Variants in PLXNA4 observed in about 807,000 individuals in gnomAD.
PLXNA4 encodes the protein plexin-A4.
PLXNA4 carries 44 observed loss-of-function variants against 191.8 expected under a neutral mutation model. That is an observed-to-expected ratio of 0.23 (90% CI 0.18 to 0.29). The LOEUF (loss-of-function observed/expected upper bound fraction) is 0.29, where lower values mean the gene tolerates loss of function less well. Among genes scored for constraint, PLXNA4 ranks in the 10% least tolerant of loss-of-function variants. The probability of loss-of-function intolerance (pLI) is 1.00; values close to 1 mark genes in which losing one functional copy is unlikely to be tolerated. For missense variants in PLXNA4, 1,800 were observed against 2,488.8 expected (o/e 0.72, Z 5.89); for synonymous variants, 1,082 against 1,009.5 (o/e 1.07, Z -1.36).
intron 2 of PLXNA4, among the ~76,000 whole-genome samples, chr7:132,608,774 A>G (rs1027633472): frequency 1.3e-5 from 2 of 152,142 alleles, no homozygotes; most frequent in Admixed American, 6.5e-5. Context: ...TGGTGCAGCC[A>G]GATGGATCTT....
intron 1 of PLXNA4, among the ~76,000 whole-genome samples, chr7:132,554,084 C>A (rs527388850): frequency 6.6e-6 from 1 of 152,034 alleles, no homozygotes; most frequent in African/African-American, 2.4e-5. Flanking sequence ...CCAAGGATAC[C>A]CATTTGGAGA....
At chr7:132,225,621 C>G (rs1051695702) in intron 8 of PLXNA4, among the ~76,000 whole-genome samples, 3 of 151,348 alleles carry the variant, frequency 2.0e-5, no homozygotes, top group South Asian at 2.1e-4. Flanking sequence ...AGTCCGCCCC[C>G]CCCCACAGCT....
intron 29 of PLXNA4, among the ~76,000 whole-genome samples, chr7:132,142,602 C>G (rs1795303299): frequency 6.6e-6 from 1 of 152,214 alleles, no homozygotes; most frequent in African/African-American, 2.4e-5. Context: ...CAGGGCGGGA[C>G]TCAGGCAGGC....
chr7:132,460,207 A>T (rs1480581823), intron 3 of PLXNA4, among the ~76,000 whole-genome samples: 1 of 151,918 alleles, frequency 6.6e-6, no homozygotes, highest in East Asian at 1.9e-4. Flanking sequence ...TTTTTTAAAA[A>T]CTTAGGCAGG....
At position 132,508,899 on chromosome 7, in the gene PLXNA4, G is replaced by A. The variant is rs926022682; in HGVS notation, c.-86-120C>T. The A allele has an allele frequency of 1.9e-6, 2 of 1,039,384 alleles. No individual in the cohort carries two copies. Among genetic ancestry groups the A allele is most frequent in the South Asian group, 2.3e-5 (1 of 42,822 alleles). 64.4% of individuals were successfully genotyped at this position (1,039,384 alleles called of 1,614,324 possible). On this transcript the variant is annotated intron_variant, in intron 1 of 31. Coordinates refer to ENST00000321063, the MANE Select transcript of PLXNA4 (RefSeq NM_020911.2). The surrounding 1 kb of genome is among the most constrained non-coding windows in gnomAD (Gnocchi z 4.4). ...ACACTGAGCAGAACTGCACTGGGGG[G>A]TGCTGGAGGCTGACTGAGTCAACCC...
chr7:132,612,387 G>A lies in PLXNA4; in HGVS notation c.-87+33541C>T, dbSNP rs116406298. 6.0e-3 allele frequency among the ~76,000 whole-genome samples: 918 copies of A among 152,216 alleles called. 9 individuals carry two copies. The highest frequency in any genetic ancestry group is 0.021 in the African/African-American group (886 of 41,524). ...AAGAATGTGTTCATCCTGGCCAGGC[G>A]CGGTGGCTCATGACTGTAATCCCAG... On this transcript the variant is annotated intron_variant, in intron 2 of 4. Coordinates refer to the PLXNA4 transcript ENST00000378539.
chr7:132,433,189 GA>G (rs1795338229), intron 3 of PLXNA4, among the ~76,000 whole-genome samples: 1 of 152,118 alleles, frequency 6.6e-6, no homozygotes, highest in Admixed American at 6.5e-5. Context: ...AACTTGGGGG[GA>G]AAAATCAATA....
rs77631967 is a variant in PLXNA4, at chr7:132,245,788, T to C, written c.1504-4622A>G. Among the ~76,000 whole-genome samples the C allele has an allele frequency of 3.9e-5, 6 of 152,310 alleles. No homozygotes were observed. The South Asian group carries it at 8.3e-4, about 21-fold the overall frequency. ...GGAAATTCTGACACATGCTACAACA[T>C]GGATGAACCTCGAGGACATGATGCT... On this transcript the variant is annotated intron_variant, in intron 4 of 31. Transcript: ENST00000321063.
chr7:132,132,931 T>C (rs1795010633), intron 31 of PLXNA4, 118 bp downstream of exon 31: 6 of 1,420,908 alleles, frequency 4.2e-6, no homozygotes, highest in Non-Finnish European at 5.6e-6. Flanking sequence ...TCAGTGGTGG[T>C]TCCCCCAGCA....
intron 2 of PLXNA4, among the ~76,000 whole-genome samples, chr7:132,629,648 T>G (rs564002232): frequency 5.3e-5 from 8 of 152,212 alleles, no homozygotes; most frequent in African/African-American, 1.9e-4. Flanking sequence ...TGGGCTGCCA[T>G]AACAAAATAT....
At chr7:132,532,895 A>C (rs993309956) in intron 1 of PLXNA4, among the ~76,000 whole-genome samples, 1 of 152,104 alleles carries the variant, frequency 6.6e-6, no homozygotes. Flanking sequence ...GTGACCTGAG[A>C]CTAACTATTT....
chr7:132,441,451 A>T (rs920871629), intron 3 of PLXNA4, among the ~76,000 whole-genome samples: 1 of 152,198 alleles, frequency 6.6e-6, no homozygotes, highest in Admixed American at 6.5e-5. Context: ...ATAAATGCTC[A>T]CTGCATTGAA....
At chr7:132,399,839 T>C (rs1224098538) in intron 3 of PLXNA4, among the ~76,000 whole-genome samples, 1 of 152,196 alleles carries the variant, frequency 6.6e-6, no homozygotes, top group East Asian at 1.9e-4. Context: ...TAAGGTAAGA[T>C]GTACACGCAA....
intron 3 of PLXNA4, chr7:132,485,114 G>T (rs1003918893): frequency 2.0e-6 from 3 of 1,511,518 alleles, no homozygotes; most frequent in African/African-American, 2.8e-5. Context: ...AATGGTTTTT[G>T]TACTATATAC....
At chr7:132,417,842 C>T (rs1794712660) in intron 3 of PLXNA4, among the ~76,000 whole-genome samples, 1 of 152,070 alleles carries the variant, frequency 6.6e-6, no homozygotes. Flanking sequence ...ACTCTTTGGT[C>T]CGTGGGTCTC....
chr7:132,233,835 T>C (rs1158118585), intron 5 of PLXNA4, among the ~76,000 whole-genome samples: 1 of 152,260 alleles, frequency 6.6e-6, no homozygotes, highest in Non-Finnish European at 1.5e-5. Flanking sequence ...TTGGTAGCCA[T>C]GCTTTGAATG....
At chr7:132,191,833 T>C (rs62469720) in intron 14 of PLXNA4, among the ~76,000 whole-genome samples, 8,408 of 147,026 alleles carry the variant, frequency 0.057, 279 homozygotes, top group Middle Eastern at 0.1. Flanking sequence ...TATATATATA[T>C]ACACACACAC....
At chr7:132,523,065 T>C (rs1799252847) in intron 1 of PLXNA4, among the ~76,000 whole-genome samples, 1 of 152,010 alleles carries the variant, frequency 6.6e-6, no homozygotes, top group African/African-American at 2.4e-5. Flanking sequence ...TCTTCATGCA[T>C]TCGTTCACCA....
At chr7:132,345,602 G>C (rs573484101) in intron 3 of PLXNA4, among the ~76,000 whole-genome samples, 14 of 152,286 alleles carry the variant, frequency 9.2e-5, no homozygotes, top group Admixed American at 6.5e-4. Flanking sequence ...ACTCTATAGA[G>C]TTGTGCTCCC....
Sources: gnomAD v4.1 joint callset for allele counts (sites outside exome capture counted in the v4.1 genomes callset) on GRCh38, gnomAD v4.1.1 for gene constraint, Gnocchi (gnomAD v3.1) non-coding constraint, MANE v1.5 for transcripts, NCBI Gene and HGNC (gene_info 2026-07-23, HGNC 2026-07-21) for gene names.